TENM3: variants seen among roughly 807,000 people sequenced by gnomAD.
The protein encoded by TENM3 is teneurin transmembrane protein 3, also known as teneurin-3.
TENM3 carries 63 observed loss-of-function variants against 255.1 expected under a neutral mutation model. The ratio of observed to expected loss-of-function variants is 0.25; its 90% CI spans 0.20 to 0.30. The LOEUF is 0.30. Ranked by LOEUF, TENM3 falls within the 10% of genes least tolerant of loss-of-function variation. The pLI is 1.00. For synonymous variants in TENM3, 1,306 were observed against 1,322.3 expected, an observed-to-expected ratio of 0.99 and a Z score of 0.27; for missense variants, 2,929 against 3,461.1, an observed-to-expected ratio of 0.85 and a Z score of 3.86.
At chr4:181,577,055 AATTATAT>A in the TENM3 span, among the ~76,000 whole-genome samples, 1 of 120,548 alleles carries the variant, frequency 8.3e-6, no homozygotes, top group South Asian at 2.4e-4. Context: ...TATAATAATA[AATTATAT>A]ATTATATATA....
the TENM3 span, among the ~76,000 whole-genome samples, chr4:181,654,418 C>A: frequency 6.6e-6 from 1 of 152,002 alleles, no homozygotes; most frequent in East Asian, 1.9e-4. Context: ...TGTAAAATGG[C>A]ATGATGTATT....
the TENM3 span, among the ~76,000 whole-genome samples, chr4:181,981,152 C>G: frequency 1.3e-5 from 2 of 152,130 alleles, no homozygotes; most frequent in Non-Finnish European, 2.9e-5. Flanking sequence ...TCTTACCCAT[C>G]GAGTCCCAAA....
chr4:181,666,153 T>C, the TENM3 span, among the ~76,000 whole-genome samples: 7 of 152,122 alleles, frequency 4.6e-5, no homozygotes, highest in African/African-American at 1.4e-4. Context: ...CATACGCAAA[T>C]TAAGTAAAGT....
the TENM3 span, among the ~76,000 whole-genome samples, chr4:181,605,490 GAAAGAAAGAAAGAAAGAA>G: frequency 9.5e-4 from 7 of 7,342 alleles, no homozygotes; most frequent in East Asian, 0.012. Flanking sequence ...GAGAAAGAAA[GAAAGAAAGAAAGAAAGAA>G]AGAAAGAAAG....
chr4:181,861,237 T>C, the TENM3 span, among the ~76,000 whole-genome samples: 1 of 152,198 alleles, frequency 6.6e-6, no homozygotes, highest in South Asian at 2.1e-4. Flanking sequence ...TAACACAGGA[T>C]GTGTAATTTT....
chr4:182,689,140 TTCTA>T (rs1756818319), intron 12 of TENM3, among the ~76,000 whole-genome samples: 1 of 152,170 alleles, frequency 6.6e-6, no homozygotes, highest in Non-Finnish European at 1.5e-5. Context: ...AGTAATAAAT[TTCTA>T]TATCACTTCA....
chr4:182,792,639 C>T lies in TENM3; in HGVS notation c.5967C>T (p.Cys1989=), dbSNP rs1390296489. Reference sequence around the variant, plus strand: ...ACCTCCAGAGTGATGGTTTTATTTGCACCATTAGATACAGGCAAATTGGTC... The same window carrying T: ...ACCTCCAGAGTGATGGTTTTATTTGTACCATTAGATACAGGCAAATTGGTC... The part of the protein sequence containing the change: ...TVNLQSDGFI[C]TIRYRQIGPL... The change falls in exon 26 of 28, where the codon TGC becomes TGT. Residue 1989 remains cysteine, a synonymous_variant. Transcript: ENST00000511685. The surrounding 1 kb of genome is among the most constrained non-coding windows in gnomAD (Gnocchi z 6.3). The T allele has an allele frequency of 6.2e-7, 1 of 1,613,940 alleles. No homozygotes were observed. The highest frequency in any genetic ancestry group is 8.5e-7 in the Non-Finnish European group (1 of 1,179,886).
the TENM3 span, among the ~76,000 whole-genome samples, chr4:182,077,636 C>A: frequency 6.6e-6 from 1 of 152,142 alleles, no homozygotes; most frequent in African/African-American, 2.4e-5. Flanking sequence ...TTTATTCAAC[C>A]AATTCAGTAC....
the TENM3 span, among the ~76,000 whole-genome samples, chr4:181,718,164 G>A: frequency 6.6e-6 from 1 of 152,148 alleles, no homozygotes; most frequent in Non-Finnish European, 1.5e-5. Flanking sequence ...AATTAGTGAG[G>A]AGTATAAAAG....
the TENM3 span, among the ~76,000 whole-genome samples, chr4:181,787,022 C>T: frequency 1.3e-5 from 2 of 152,206 alleles, no homozygotes; most frequent in African/African-American, 4.8e-5. Context: ...TCTCTCATGT[C>T]CCCTTTGTAA....
At chr4:182,669,684 T>C (rs915075292) in intron 6 of TENM3, among the ~76,000 whole-genome samples, 13 of 152,204 alleles carry the variant, frequency 8.5e-5, no homozygotes, top group Non-Finnish European at 1.8e-4. Flanking sequence ...TTAATATATC[T>C]GATTTTATAT....
the TENM3 span, among the ~76,000 whole-genome samples, chr4:181,688,797 T>C: frequency 3.9e-5 from 6 of 152,326 alleles, no homozygotes; most frequent in Admixed American, 2.6e-4. Flanking sequence ...CTCCAACTAT[T>C]AAGCAAGATG....
the TENM3 span, among the ~76,000 whole-genome samples, chr4:181,763,348 A>T: frequency 6.6e-6 from 1 of 152,188 alleles, no homozygotes; most frequent in African/African-American, 2.4e-5. Flanking sequence ...AATTAGCGTC[A>T]ACATCATATT....
At chr4:182,748,860 T>C (rs1291534815) in intron 19 of TENM3, among the ~76,000 whole-genome samples, 1 of 152,246 alleles carries the variant, frequency 6.6e-6, no homozygotes, top group Admixed American at 6.5e-5. Context: ...AGTACAGCTT[T>C]CATTTATCAG....
At chr4:182,750,295 A>G (rs910122734) in intron 19 of TENM3, among the ~76,000 whole-genome samples, 2 of 152,124 alleles carry the variant, frequency 1.3e-5, no homozygotes, top group Admixed American at 1.3e-4. Context: ...TTGTCACTCA[A>G]AGGCTGGAAA....
intron 1 of TENM3, among the ~76,000 whole-genome samples, chr4:182,191,697 A>G (rs1363602326): frequency 6.6e-6 from 1 of 152,152 alleles, no homozygotes; most frequent in Non-Finnish European, 1.5e-5. Context: ...CCAGCCTTCC[A>G]TGCTCAATTT....
At chr4:181,471,784 GA>G in the TENM3 span, among the ~76,000 whole-genome samples, 1 of 152,152 alleles carries the variant, frequency 6.6e-6, no homozygotes, top group Non-Finnish European at 1.5e-5. Flanking sequence ...ACCAAGAAAA[GA>G]GCATAACAAA....
chr4:181,929,319 G>A, the TENM3 span, among the ~76,000 whole-genome samples: 1 of 150,998 alleles, frequency 6.6e-6, no homozygotes, highest in South Asian at 2.1e-4. Flanking sequence ...TCAAAATAAA[G>A]GTATGAAGGA....
chr4:181,458,862 T>C, the TENM3 span, among the ~76,000 whole-genome samples: 1 of 151,988 alleles, frequency 6.6e-6, no homozygotes, highest in Non-Finnish European at 1.5e-5. Context: ...GCTATGAATA[T>C]TTAAGTACAA....
Sources: gnomAD v4.1 joint callset for allele counts (sites outside exome capture counted in the v4.1 genomes callset) on GRCh38, gnomAD v4.1.1 for gene constraint, Gnocchi (gnomAD v3.1) non-coding constraint, MANE v1.5 for transcripts, NCBI Gene and HGNC (gene_info 2026-07-23, HGNC 2026-07-21) for gene names.